Variants in GRIN2B observed in about 807,000 individuals in gnomAD.
The protein encoded by GRIN2B is glutamate ionotropic receptor NMDA type subunit 2B, also known as glutamate receptor ionotropic, NMDA 2B.
In GRIN2B, 5 loss-of-function variants were observed where a neutral mutation model predicts 114.5. The observed-to-expected ratio is 0.04, with a 90% CI of 0.02 to 0.09. The LOEUF (loss-of-function observed/expected upper bound fraction) is 0.09, where lower values mean the gene tolerates loss of function less well. Among genes scored for constraint, GRIN2B ranks in the 10% least tolerant of loss-of-function variants. The pLI is 1.00. For synonymous variants in GRIN2B, 787 were observed against 745.1 expected, an observed-to-expected ratio of 1.06 and a Z score of -0.92; for missense variants, 1,108 against 1,943.5, an observed-to-expected ratio of 0.57 and a Z score of 8.08.
intron 3 of GRIN2B, among the ~76,000 whole-genome samples, chr12:13,822,843 C>T (rs1864964452): frequency 6.6e-6 from 1 of 152,080 alleles, no homozygotes; most frequent in Non-Finnish European, 1.5e-5. Context: ...ATAAATGACA[C>T]CCAATCCTAG....
At chr12:13,697,745 CTGTACTTT>C (rs1440249650) in intron 4 of GRIN2B, among the ~76,000 whole-genome samples, 1 of 152,148 alleles carries the variant, frequency 6.6e-6, no homozygotes, top group Non-Finnish European at 1.5e-5. Context: ...TTAGCATTTT[CTGTACTTT>C]TGTGTGCATT....
chr12:13,944,024 A>G (rs1867318451), intron 2 of GRIN2B, among the ~76,000 whole-genome samples: 2 of 152,176 alleles, frequency 1.3e-5, no homozygotes, highest in Admixed American at 1.3e-4. Flanking sequence ...TCCCTTTATC[A>G]ATATATCCAG....
chr12:13,742,083 C>T (rs764813227), intron 4 of GRIN2B, among the ~76,000 whole-genome samples: 2 of 152,050 alleles, frequency 1.3e-5, no homozygotes, highest in African/African-American at 2.4e-5. Context: ...CTTTTTATAC[C>T]TAAGATAATC....
chr12:13,751,545 G>A (rs1210544501), intron 4 of GRIN2B, among the ~76,000 whole-genome samples: 1 of 152,134 alleles, frequency 6.6e-6, no homozygotes, highest in Admixed American at 6.5e-5. Context: ...TCAGGGATGT[G>A]GAACCAAGGG....
intron 4 of GRIN2B, among the ~76,000 whole-genome samples, chr12:13,717,814 C>A (rs1201082574): frequency 6.6e-6 from 1 of 151,978 alleles, no homozygotes; most frequent in Non-Finnish European, 1.5e-5. Context: ...TGGACTCATT[C>A]TTTTGCCGCA....
In GRIN2B at chr12:13,563,942, C is replaced by A. The variant is rs1411402744; in HGVS notation, c.3296G>T (p.Arg1099Leu). 2.5e-6 allele frequency: 4 copies of A among 1,614,094 alleles called. No homozygotes were observed. Among genetic ancestry groups the A allele is most frequent in the East Asian group, 4.5e-5 (2 of 44,884 alleles). The change falls in exon 14 of 14, where the codon CGC becomes CTC. Residue 1099 changes from arginine to leucine, a missense_variant. By Grantham distance (102) the Arg-to-Leu change is moderately radical (BLOSUM62 -2). Coordinates refer to ENST00000609686, the MANE Select transcript of GRIN2B (RefSeq NM_000834.5). ...CAGCTCGATCTCGTCAAACTCCCTGCGGGACTTGGCCGAGGCAGGCCGCTT... is the reference window on the plus strand; with the variant it reads ...CAGCTCGATCTCGTCAAACTCCCTGAGGGACTTGGCCGAGGCAGGCCGCTT... ...LKKRPASAKS[R>L]REFDEIELAY... is the part of the protein sequence containing the mutation.
chr12:13,967,736 C>T (rs1180294279), intron 2 of GRIN2B, among the ~76,000 whole-genome samples: 1 of 152,084 alleles, frequency 6.6e-6, no homozygotes, highest in East Asian at 1.9e-4. Context: ...CCAGGGTGGG[C>T]TATGGGAGCA....
At chr12:13,981,759 G>A (rs1036526938), upstream of GRIN2B, among the ~76,000 whole-genome samples, 3 of 151,814 alleles carry the variant, frequency 2.0e-5, no homozygotes, top group Non-Finnish European at 4.4e-5. Flanking sequence ...AGCCGGAGAG[G>A]GAGAGCAGGA....
At chr12:13,730,792 C>A (rs1038672624) in intron 4 of GRIN2B, among the ~76,000 whole-genome samples, 24 of 152,106 alleles carry the variant, frequency 1.6e-4, no homozygotes, top group African/African-American at 4.3e-4. Context: ...AATAATTAAT[C>A]CCTGATTAAT....
intron 4 of GRIN2B, among the ~76,000 whole-genome samples, chr12:13,718,925 C>T (rs776883785): frequency 6.6e-6 from 1 of 152,022 alleles, no homozygotes; most frequent in Non-Finnish European, 1.5e-5. Context: ...TGTAGACCAA[C>T]GCTTCATGCC....
intron 2 of GRIN2B, among the ~76,000 whole-genome samples, chr12:13,933,297 C>A (rs1209741453): frequency 6.6e-6 from 1 of 152,146 alleles, no homozygotes; most frequent in South Asian, 2.1e-4. Flanking sequence ...ACAGGTAGGA[C>A]CCAAAAGATG....
chr12:13,794,142 T>G (rs1009356212), intron 3 of GRIN2B, among the ~76,000 whole-genome samples: 2 of 140,830 alleles, frequency 1.4e-5, no homozygotes, highest in African/African-American at 5.3e-5. Context: ...GAGGTGGAGG[T>G]TGTAGTGAGT....
intron 4 of GRIN2B, among the ~76,000 whole-genome samples, chr12:13,710,333 C>G (rs1210001497): frequency 6.6e-6 from 1 of 152,136 alleles, no homozygotes; most frequent in Non-Finnish European, 1.5e-5. Context: ...CAGGGATACC[C>G]TCTCTCACCG....
intron 10 of GRIN2B, among the ~76,000 whole-genome samples, chr12:13,597,190 G>A (rs1949084528): frequency 6.6e-6 from 1 of 152,200 alleles, no homozygotes; most frequent in Non-Finnish European, 1.5e-5. Flanking sequence ...TGAGGCAGGA[G>A]AATAGGGTCT....
chr12:13,558,440 C>A lies in GRIN2B; in HGVS notation c.*4343G>T, dbSNP rs924615360. 6.7e-6 allele frequency: 1 copy of A among 149,442 alleles called. No individual in the cohort carries two copies. The highest frequency in any genetic ancestry group is 2.5e-5 in the African/African-American group (1 of 40,462). 9.3% of individuals were successfully genotyped at this position (149,442 alleles called of 1,614,324 possible). A position where few individuals can be genotyped will look rare whatever the true frequency, so the allele number is the denominator to read the frequency against. ...TGCCCAAACAATCTGGTTATTCTAT[C>A]TGTAAATCTTGAACTAACTAACTAA... On this transcript the variant is annotated 3_prime_UTR_variant, in exon 14 of 14. Coordinates refer to ENST00000609686, the MANE Select transcript of GRIN2B (RefSeq NM_000834.5).
At chr12:13,858,274 C>A (rs78501452) in intron 3 of GRIN2B, among the ~76,000 whole-genome samples, 1,934 of 152,210 alleles carry the variant, frequency 0.013, 42 homozygotes, top group African/African-American at 0.045. Flanking sequence ...CTCATCATAA[C>A]CTCAAAATAA....
chr12:13,726,452 T>G (rs1862987183), intron 4 of GRIN2B, among the ~76,000 whole-genome samples: 1 of 151,390 alleles, frequency 6.6e-6, no homozygotes, highest in African/African-American at 2.4e-5. Flanking sequence ...GAAGAATCAC[T>G]TGAACTCAGG....
chr12:13,718,184 T>C (rs759676799), intron 4 of GRIN2B, among the ~76,000 whole-genome samples: 1 of 152,054 alleles, frequency 6.6e-6, no homozygotes, highest in Non-Finnish European at 1.5e-5. Context: ...TGGAGCATGC[T>C]TTGGCTGCTG....
At chr12:13,725,589 C>G (rs916828760) in intron 4 of GRIN2B, among the ~76,000 whole-genome samples, 1 of 152,002 alleles carries the variant, frequency 6.6e-6, no homozygotes, top group Non-Finnish European at 1.5e-5. Context: ...CCAAGCAGAT[C>G]GGATACACAG....
Sources: gnomAD v4.1 joint callset for allele counts (sites outside exome capture counted in the v4.1 genomes callset) on GRCh38, gnomAD v4.1.1 for gene constraint, MANE v1.5 for transcripts, NCBI Gene and HGNC (gene_info 2026-07-23, HGNC 2026-07-21) for gene names.